The following MACROD2 variants were observed in gnomAD, a reference collection of about 807,000 sequenced individuals.
The protein encoded by MACROD2 is mono-ADP ribosylhydrolase 2, also known as ADP-ribose glycohydrolase MACROD2.
In MACROD2, 36 loss-of-function variants were observed where a neutral mutation model predicts 70.4. The observed-to-expected ratio is 0.51, with a 90% confidence interval of 0.39 to 0.68. MACROD2 has a LOEUF of 0.68. Ranked by LOEUF, MACROD2 falls within the 30% of genes least tolerant of loss-of-function variation. The pLI is 0.00. For synonymous variants in MACROD2, 172 were observed against 178.8 expected, an observed-to-expected ratio of 0.96 and a Z score of 0.30; for missense variants, 496 against 538.4, an observed-to-expected ratio of 0.92 and a Z score of 0.78.
intron 7 of MACROD2, among the ~76,000 whole-genome samples, chr20:15,471,192 G>A (rs1017785389): frequency 6.6e-6 from 1 of 152,158 alleles, no homozygotes; most frequent in African/African-American, 2.4e-5. Context: ...CAGGCCAGCT[G>A]TATTTTCCCA....
At chr20:14,658,061 T>C (rs1986058849) in intron 4 of MACROD2, among the ~76,000 whole-genome samples, 1 of 152,188 alleles carries the variant, frequency 6.6e-6, no homozygotes, top group South Asian at 2.1e-4. Context: ...TTAAGCCTTA[T>C]TTAAAGTAAA....
At chr20:15,423,835 C>T (rs183751768) in intron 6 of MACROD2, among the ~76,000 whole-genome samples, 299 of 152,122 alleles carry the variant, frequency 2.0e-3, no homozygotes, top group African/African-American at 6.2e-3. Flanking sequence ...TTACTCGGTT[C>T]GGGATGCATA....
chr20:15,293,499 C>T (rs1002474107), intron 6 of MACROD2, among the ~76,000 whole-genome samples: 19 of 152,094 alleles, frequency 1.2e-4, no homozygotes, highest in African/African-American at 4.3e-4. Context: ...CAATCCAAAA[C>T]AACTAAACAA....
At chr20:14,331,612 C>T (rs1346308449) in intron 3 of MACROD2, among the ~76,000 whole-genome samples, 2 of 152,172 alleles carry the variant, frequency 1.3e-5, no homozygotes, top group African/African-American at 4.8e-5. Flanking sequence ...CTCATATGCC[C>T]CTGCTCCCTT....
At chr20:14,005,915 T>C (rs911005673) in intron 2 of MACROD2, among the ~76,000 whole-genome samples, 22 of 152,142 alleles carry the variant, frequency 1.4e-4, no homozygotes, top group African/African-American at 4.3e-4. Context: ...TTCCAAACTT[T>C]TAATGAGCAT....
At chr20:14,947,699 G>A (rs2074444049) in intron 5 of MACROD2, among the ~76,000 whole-genome samples, 1 of 152,130 alleles carries the variant, frequency 6.6e-6, no homozygotes, top group African/African-American at 2.4e-5. Context: ...CAAGCTCCCA[G>A]GGAATGCTAA....
At chr20:15,810,354 A>AT (rs1279658059) in intron 8 of MACROD2, among the ~76,000 whole-genome samples, 1 of 151,472 alleles carries the variant, frequency 6.6e-6, no homozygotes, top group African/African-American at 2.4e-5. Context: ...TAGCAGCATG[A>AT]TTTATAGTCC....
At chr20:14,366,663 C>A (rs2083276447) in intron 3 of MACROD2, among the ~76,000 whole-genome samples, 1 of 152,142 alleles carries the variant, frequency 6.6e-6, no homozygotes, top group Non-Finnish European at 1.5e-5. Context: ...CCACACCCGG[C>A]CAACAATTTT....
chr20:14,759,699 G>T (rs2071988830), intron 5 of MACROD2, among the ~76,000 whole-genome samples: 1 of 151,914 alleles, frequency 6.6e-6, no homozygotes, highest in Admixed American at 6.6e-5. Flanking sequence ...AATTTTGAAG[G>T]CTAAGACAAA....
intron 4 of MACROD2, among the ~76,000 whole-genome samples, chr20:14,662,153 G>A (rs537139756): frequency 2.2e-4 from 34 of 151,930 alleles, no homozygotes; most frequent in Non-Finnish European, 4.1e-4. Context: ...ACCAACATCC[G>A]TGGAACAGAA....
chr20:14,375,982 G>A (rs754202659), intron 3 of MACROD2, among the ~76,000 whole-genome samples: 1 of 152,102 alleles, frequency 6.6e-6, no homozygotes, highest in Non-Finnish European at 1.5e-5. Context: ...CAAGAAAAAT[G>A]ATTTTATTCT....
intron 8 of MACROD2, among the ~76,000 whole-genome samples, chr20:15,769,241 G>A (rs538969620): frequency 2.6e-5 from 4 of 152,182 alleles, no homozygotes; most frequent in South Asian, 2.1e-4. Context: ...TCCGCCTCCC[G>A]GGTTCAAGCG....
At chr20:14,748,106 C>A (rs1486156412) in intron 5 of MACROD2, among the ~76,000 whole-genome samples, 1 of 152,046 alleles carries the variant, frequency 6.6e-6, no homozygotes, top group African/African-American at 2.4e-5. Context: ...CCTTGATGAG[C>A]CTTTCCTTCT....
At chr20:14,232,238 C>T (rs1424697500) in intron 3 of MACROD2, among the ~76,000 whole-genome samples, 4 of 152,116 alleles carry the variant, frequency 2.6e-5, no homozygotes, top group African/African-American at 7.2e-5. Context: ...AATGGCCCTA[C>T]GATATTTAGA....
intron 6 of MACROD2, among the ~76,000 whole-genome samples, chr20:15,326,157 GT>G (rs1464162776): frequency 6.6e-6 from 1 of 152,018 alleles, no homozygotes; most frequent in Non-Finnish European, 1.5e-5. Flanking sequence ...TGAGAAAATT[GT>G]TTTGGAAAAA....
chr20:15,486,747 T>C (rs1426125017), intron 7 of MACROD2, among the ~76,000 whole-genome samples: 1 of 152,172 alleles, frequency 6.6e-6, no homozygotes, highest in Non-Finnish European at 1.5e-5. Flanking sequence ...AAGACCTAGA[T>C]AGGAATGAAA....
In MACROD2 at chr20:13,995,772, C is replaced by T; in HGVS notation, c.9C>T (p.Pro3=). MY[P]SNKKKKVWRE... is the part of the protein sequence containing the mutation. ...GCCACCCCCACGGCAACATGTACCCCAGCAACAAGAAGAAAAAGGTGTGGA... is the reference window on the plus strand; with the variant it reads ...GCCACCCCCACGGCAACATGTACCCTAGCAACAAGAAGAAAAAGGTGTGGA... Residue 3 remains proline, a synonymous_variant, in exon 1 of 18, where the codon CCC becomes CCT. Coordinates refer to ENST00000684519, the MANE Select transcript of MACROD2 (RefSeq NM_001351661.2). The surrounding 1 kb of genome is among the most constrained non-coding windows in gnomAD (Gnocchi z 4.3). 1 of 1,612,256 alleles carries T rather than the reference C, an allele frequency of 6.2e-7. No homozygotes were observed. The highest frequency in any genetic ancestry group is 8.5e-7 in the Non-Finnish European group (1 of 1,179,112).
chr20:14,662,929 CCTCAAAGACCTA>C (rs1986295213), intron 4 of MACROD2, among the ~76,000 whole-genome samples: 1 of 151,948 alleles, frequency 6.6e-6, no homozygotes, highest in Non-Finnish European at 1.5e-5. Context: ...TGTGGTGATT[CCTCAAAGACCTA>C]AAAACAGAAA....
intron 8 of MACROD2, among the ~76,000 whole-genome samples, chr20:15,607,974 T>A (rs1600661607): frequency 6.6e-6 from 1 of 152,334 alleles, no homozygotes; most frequent in East Asian, 1.9e-4. Flanking sequence ...AAAAAAATAG[T>A]GCAACTGATA....
Sources: allele counts gnomAD v4.1 joint callset (sites outside exome capture counted in the v4.1 genomes callset), GRCh38; gene constraint gnomAD v4.1.1; non-coding constraint Gnocchi (gnomAD v3.1); transcripts MANE v1.5; gene names NCBI Gene and HGNC (gene_info 2026-07-23, HGNC 2026-07-21).